Variants in FAM98B observed in about 807,000 individuals in gnomAD.
FAM98B encodes the protein tRNA splicing ligase complex subunit 3B, also known as tRNA-splicing ligase complex subunit FAM98B.
Under a neutral mutation model 43.9 loss-of-function variants are expected in FAM98B, and 32 were observed. That is an observed-to-expected ratio of 0.73 (90% CI 0.55 to 0.98). The LOEUF (loss-of-function observed/expected upper bound fraction) is 0.98. Among genes scored for constraint, FAM98B ranks in the 50% least tolerant of loss-of-function variants. The pLI is 0.00. For missense variants in FAM98B, 514 were observed against 522.9 expected (o/e 0.98, Z 0.17); for synonymous variants, 190 against 174.0 (o/e 1.09, Z -0.72).
In FAM98B at chr15:38,484,361, G is replaced by A. The variant is rs1341237604; in HGVS notation, c.1004G>A (p.Arg335Lys). 1 of 1,528,538 alleles carries A rather than the reference G, an allele frequency of 6.5e-7. No homozygotes were observed. The highest frequency in any genetic ancestry group is 8.8e-7 in the Non-Finnish European group (1 of 1,139,392). The allele number at this position is 1,528,538 out of a possible 1,614,324, so 94.7% of individuals were successfully genotyped here. ...WQKRQEGGGG[R>K]GGWGGGGGGG... ...AAGAGACAAGAAGGCGGCGGTGGAA[G>A]GGGTGGTTGGGGTGGTGGTGGTGGA... is the stretch of plus-strand genomic sequence containing the variant. Residue 335 changes from arginine to lysine, a missense_variant, in exon 8 of 8, where the codon AGG (arginine) becomes AAG (lysine). Physicochemically the swap from Arg to Lys is conservative, Grantham distance 26 (BLOSUM62 2). Around this residue, in one of 2 missense-constraint regions of FAM98B, gnomAD observed 469 missense variants for 451.8 expected, o/e 1.04. Transcript: ENST00000397609.
intron 6 of FAM98B, 54 bp from the exon 7 acceptor site, chr15:38,481,238 C>G: frequency 7.0e-7 from 1 of 1,432,000 alleles, no homozygotes; most frequent in Non-Finnish European, 9.7e-7. Flanking sequence ...ATTGTTTTTG[C>G]TCTTTCATTA....
At chr15:38,473,988 C>T (rs550257707) in intron 5 of FAM98B, among the ~76,000 whole-genome samples, 194 bp from the exon 6 acceptor site, 4 of 152,256 alleles carry the variant, frequency 2.6e-5, no homozygotes, top group African/African-American at 9.6e-5. Context: ...TTAATGTCTT[C>T]TGGATATCAT....
intron 7 of FAM98B, chr15:38,481,742 A>AT (rs1566901626): frequency 2.2e-6 from 2 of 899,196 alleles, no homozygotes; most frequent in Non-Finnish European, 3.2e-6. Flanking sequence ...AAAAGTAATC[A>AT]TTTTTTGTCA....
At chr15:38,459,753 C>A (rs1889917434) in intron 1 of FAM98B, among the ~76,000 whole-genome samples, 1 of 152,214 alleles carries the variant, frequency 6.6e-6, no homozygotes, top group African/African-American at 2.4e-5. Flanking sequence ...CTTGGGTACC[C>A]TGGCTCCAGT....
chr15:38,475,322 A>G (rs1220564708), intron 6 of FAM98B, among the ~76,000 whole-genome samples: 2 of 152,062 alleles, frequency 1.3e-5, no homozygotes, highest in Non-Finnish European at 2.9e-5. Context: ...ATCTCTTTCC[A>G]TGTGATATAT....
At chr15:38,467,909 T>C (rs1173263298) in intron 3 of FAM98B, among the ~76,000 whole-genome samples, 3 of 152,212 alleles carry the variant, frequency 2.0e-5, no homozygotes, top group African/African-American at 7.2e-5. Flanking sequence ...ATGTATAGCA[T>C]GTTCTTGTTT....
intron 1 of FAM98B, among the ~76,000 whole-genome samples, chr15:38,457,902 G>A (rs958057576): frequency 2.6e-5 from 4 of 151,798 alleles, no homozygotes; most frequent in Non-Finnish European, 4.4e-5. Flanking sequence ...TGACCTTAAG[G>A]CATTTGTGAA....
rs1162734980 is a variant in FAM98B at position 38,485,429 on chromosome 15, T to C, written c.*770T>C. On this transcript the variant is annotated 3_prime_UTR_variant, in exon 8 of 8. Coordinates refer to ENST00000397609, the MANE Select transcript of FAM98B (RefSeq NM_173611.4). The stretch of plus-strand genomic sequence containing the variant: ...AAACTGGTCTCTTCATCATTTATGC[T>C]CTCACTTTAGATATCCAAATATTAA... 2.0e-5 allele frequency: 3 copies of C among 152,248 alleles called. No individual in the cohort carries two copies. The highest frequency in any genetic ancestry group is 2.9e-5 in the Non-Finnish European group (2 of 68,046). 9.4% of individuals were successfully genotyped at this position (152,248 alleles called of 1,614,324 possible). A position where few individuals can be genotyped will look rare whatever the true frequency, so the allele number is the denominator to read the frequency against.
At chr15:38,481,763 T>G in intron 7 of FAM98B, 1 of 752,668 alleles carries the variant, frequency 1.3e-6, no homozygotes, top group East Asian at 2.9e-5. Flanking sequence ...GTAAGAATCT[T>G]TCGGAATTGT....
At chr15:38,461,732 T>C (rs767176652) in intron 1 of FAM98B, among the ~76,000 whole-genome samples, 5 of 152,104 alleles carry the variant, frequency 3.3e-5, no homozygotes, top group Admixed American at 6.5e-5. Flanking sequence ...TATGCAAAGA[T>C]ACCCTACGTC....
chr15:38,466,364 G>T (rs759709215), intron 3 of FAM98B, among the ~76,000 whole-genome samples: 8 of 152,094 alleles, frequency 5.3e-5, no homozygotes, highest in Non-Finnish European at 8.8e-5. Context: ...ATGAACCACT[G>T]TTATTGGGAG....
intron 1 of FAM98B, among the ~76,000 whole-genome samples, chr15:38,461,896 A>C (rs954988719): frequency 2.0e-5 from 3 of 152,128 alleles, no homozygotes; most frequent in African/African-American, 7.2e-5. Flanking sequence ...GTATCTGGCA[A>C]AGTTATGTAT....
At chr15:38,461,184 A>G (rs1040021332) in intron 1 of FAM98B, among the ~76,000 whole-genome samples, 5 of 151,696 alleles carry the variant, frequency 3.3e-5, no homozygotes, top group South Asian at 2.1e-4. Flanking sequence ...TCAAGAGTTT[A>G]TGAGTATTGC....
At chr15:38,473,136 G>C (rs1057048623) in intron 4 of FAM98B, among the ~76,000 whole-genome samples, 1 of 152,080 alleles carries the variant, frequency 6.6e-6, no homozygotes, top group South Asian at 2.1e-4. Context: ...TCAATGTGCT[G>C]GTTAAAGGTT....
chr15:38,469,406 A>C lies in FAM98B; in HGVS notation c.353-821A>C, dbSNP rs543078009. On this transcript the variant is annotated intron_variant, in intron 3 of 7. Coordinates refer to ENST00000397609, the MANE Select transcript of FAM98B (RefSeq NM_173611.4). ...GTGCTTATATATCAGTTAGAGCTATATGTTCTCCCCTGACCTGTGTGCTCT... is the reference window on the plus strand; with the variant it reads ...GTGCTTATATATCAGTTAGAGCTATCTGTTCTCCCCTGACCTGTGTGCTCT... Among the ~76,000 whole-genome samples the C allele has an allele frequency of 3.3e-5, 5 of 152,340 alleles. No homozygotes were observed. The South Asian group carries it at 1.0e-3, about 32-fold the overall frequency.
Position 38,484,613 on chromosome 15 carries a change from G to A in FAM98B, c.1256G>A (p.Gly419Asp). The change falls in exon 8 of 8, where the codon GGT becomes GAT. Residue 419 changes from glycine to aspartate, a missense_variant. Physicochemically the swap from Gly to Asp is moderately conservative, Grantham distance 94. Transcript: ENST00000397609. ...GYGDPYGGGG[G>D]GGGGGGGGGG... ...GGAGATCCATATGGAGGAGGTGGTGGTGGTGGTGGTGGTGGTGGTGGAGGA... is the reference window on the plus strand; with the variant it reads ...GGAGATCCATATGGAGGAGGTGGTGATGGTGGTGGTGGTGGTGGTGGAGGA... 8.2e-7 allele frequency: 1 copy of A among 1,223,870 alleles called. No homozygotes were observed. The allele number at this position is 1,223,870 out of a possible 1,614,324, so 75.8% of individuals were successfully genotyped here.
chr15:38,465,338 C>T lies in FAM98B; in HGVS notation c.287C>T (p.Ser96Phe). 6.2e-7 allele frequency: 1 copy of T among 1,611,484 alleles called. No individual in the cohort carries two copies. Among genetic ancestry groups the T allele is most frequent in the Non-Finnish European group, 8.5e-7 (1 of 1,178,902 alleles). The change falls in exon 3 of 8, where the codon TCT becomes TTT. Residue 96 changes from serine (S) to phenylalanine (F), a missense_variant. Ser to Phe is a radical substitution (Grantham distance 155). Around this residue, in one of 2 missense-constraint regions of FAM98B, gnomAD observed 469 missense variants for 451.8 expected, o/e 1.04. Transcript: ENST00000397609. ...TTAAAAGAAATGGCATGTCCATATT[C>T]TGTACTCATATCAGGAGATATTAAA... ...GFLKEMACPY[S>F]VLISGDIKDR... is the part of the protein sequence containing the mutation.
At chr15:38,471,025 A>G (rs948225996) in intron 4 of FAM98B, among the ~76,000 whole-genome samples, 13 of 151,918 alleles carry the variant, frequency 8.6e-5, no homozygotes, top group Admixed American at 1.3e-4. Context: ...CTACTCTCAC[A>G]GACCAAATTC....
chr15:38,480,062 T>C (rs1272353752), intron 6 of FAM98B, among the ~76,000 whole-genome samples: 1 of 152,174 alleles, frequency 6.6e-6, no homozygotes, highest in East Asian at 1.9e-4. Flanking sequence ...TTGAGGTTTT[T>C]ATATAGAAAG....
Sources: gnomAD v4.1 joint callset for allele counts (sites outside exome capture counted in the v4.1 genomes callset) on GRCh38, gnomAD v4.1.1 for gene constraint, gnomAD v4.1.1 regional missense constraint, MANE v1.5 for transcripts, NCBI Gene and HGNC (gene_info 2026-07-23, HGNC 2026-07-21) for gene names.